The following COL25A1 variants were observed in gnomAD, a reference collection of about 807,000 sequenced individuals.
The protein encoded by COL25A1 is collagen alpha-1(XXV) chain.
Under a neutral mutation model 128.4 loss-of-function variants are expected in COL25A1, and 103 were observed. The observed-to-expected ratio is 0.80, with a 90% confidence interval of 0.68 to 0.94. COL25A1 has a LOEUF of 0.94. Among genes scored for constraint, COL25A1 ranks in the 40% least tolerant of loss-of-function variants. COL25A1 has a pLI of 0.00. For missense variants in COL25A1, 745 were observed against 840.0 expected (o/e 0.89, Z 1.40); for synonymous variants, 279 against 277.2 (o/e 1.01, Z -0.06).
intron 8 of COL25A1, among the ~76,000 whole-genome samples, chr4:108,970,506 C>T (rs1002394400): frequency 2.6e-5 from 4 of 152,254 alleles, no homozygotes; most frequent in African/African-American, 9.6e-5. Flanking sequence ...ATACATCATG[C>T]GATGGCTATA....
chr4:109,076,418 G>C (rs548594445), intron 3 of COL25A1, among the ~76,000 whole-genome samples: 1 of 151,876 alleles, frequency 6.6e-6, no homozygotes, highest in Non-Finnish European at 1.5e-5. Context: ...ATCACTTATC[G>C]AGTGCTTTTT....
At chr4:108,836,556 G>C (rs1056703144) in intron 31 of COL25A1, among the ~76,000 whole-genome samples, 1 of 152,056 alleles carries the variant, frequency 6.6e-6, no homozygotes, top group Non-Finnish European at 1.5e-5. Flanking sequence ...AAAATAAAGC[G>C]CTTGAGCCCA....
chr4:108,862,584 A>G (rs1737382776), intron 21 of COL25A1, 39 bp from the exon 22 acceptor site: 3 of 1,538,888 alleles, frequency 1.9e-6, no homozygotes, highest in Non-Finnish European at 2.7e-6. Flanking sequence ...AGATAAAATT[A>G]TAGAAGAGAT....
chr4:108,817,519 A>G, intron 36 of COL25A1, 84 bp from the exon 37 acceptor site: 1 of 1,307,366 alleles, frequency 7.6e-7, no homozygotes, highest in Admixed American at 1.9e-5. Flanking sequence ...AGGCTTAAAA[A>G]TAAATTTCTA....
At chr4:109,211,873 C>T (rs1408111071) in intron 3 of COL25A1, among the ~76,000 whole-genome samples, 1 of 152,086 alleles carries the variant, frequency 6.6e-6, no homozygotes, top group Non-Finnish European at 1.5e-5. Flanking sequence ...AATATTATTT[C>T]ACAATGCCTC....
At chr4:109,104,648 C>A (rs1766237144) in intron 3 of COL25A1, among the ~76,000 whole-genome samples, 1 of 151,924 alleles carries the variant, frequency 6.6e-6, no homozygotes, top group Admixed American at 6.6e-5. Context: ...TTAAAAGACA[C>A]CTTTAGGAAT....
At chr4:109,199,562 A>C (rs1339331987) in intron 3 of COL25A1, among the ~76,000 whole-genome samples, 1 of 152,150 alleles carries the variant, frequency 6.6e-6, no homozygotes, top group African/African-American at 2.4e-5. Context: ...GAAAAAAAAA[A>C]CTAATGCCTT....
chr4:109,015,077 G>T (rs1757095665), intron 5 of COL25A1, among the ~76,000 whole-genome samples: 1 of 152,220 alleles, frequency 6.6e-6, no homozygotes, highest in African/African-American at 2.4e-5. Flanking sequence ...TATGGTAATG[G>T]TATCTGCTCT....
intron 3 of COL25A1, among the ~76,000 whole-genome samples, chr4:109,251,182 C>T (rs1011585565): frequency 6.6e-6 from 1 of 152,116 alleles, no homozygotes; most frequent in Non-Finnish European, 1.5e-5. Flanking sequence ...CAAACATATT[C>T]ATAACAAAAT....
chr4:109,061,695 A>C (rs1761987423), intron 3 of COL25A1, among the ~76,000 whole-genome samples: 1 of 152,188 alleles, frequency 6.6e-6, no homozygotes, highest in African/African-American at 2.4e-5. Context: ...AGACACTTGC[A>C]ATCGCCTAGC....
chr4:109,142,658 T>C (rs1484368250), intron 3 of COL25A1, among the ~76,000 whole-genome samples: 1 of 152,204 alleles, frequency 6.6e-6, no homozygotes, highest in Non-Finnish European at 1.5e-5. Flanking sequence ...TACCATTATG[T>C]AATGGCCTTC....
intron 3 of COL25A1, among the ~76,000 whole-genome samples, chr4:109,131,332 T>C (rs1769174028): frequency 6.6e-6 from 1 of 152,224 alleles, no homozygotes; most frequent in African/African-American, 2.4e-5. Context: ...TAAAATTACA[T>C]ATGTGGTTCG....
chr4:108,835,695 C>T (rs1047949281), intron 31 of COL25A1, among the ~76,000 whole-genome samples: 2 of 151,716 alleles, frequency 1.3e-5, no homozygotes, highest in African/African-American at 4.8e-5. Context: ...GCTGGGATTA[C>T]AGGCATGCGC....
intron 18 of COL25A1, among the ~76,000 whole-genome samples, 176 bp from the exon 19 acceptor site, chr4:108,884,398 T>G (rs1740524044): frequency 6.6e-6 from 1 of 152,206 alleles, no homozygotes; most frequent in Admixed American, 6.5e-5. Flanking sequence ...GATTTAGAAA[T>G]GGGTTGACCT....
chr4:109,039,673 G>C (rs903487927), intron 5 of COL25A1, among the ~76,000 whole-genome samples: 1 of 152,180 alleles, frequency 6.6e-6, no homozygotes, highest in Non-Finnish European at 1.5e-5. Context: ...TAAGGACCTT[G>C]AAGACAAAAG....
In COL25A1 at chr4:109,302,053, C is replaced by T. The variant is rs1725614053; in HGVS notation, c.-34G>A. ...GGTCGGCCGTCTCGGCTTCGCTTCCCACCCTCTACACCTCAAATAATCCTA... is the reference window on the plus strand; with the variant it reads ...GGTCGGCCGTCTCGGCTTCGCTTCCTACCCTCTACACCTCAAATAATCCTA... On this transcript the variant is annotated 5_prime_UTR_variant, in exon 2 of 38. Coordinates refer to ENST00000399132, the MANE Select transcript of COL25A1 (RefSeq NM_198721.4). The T allele has an allele frequency of 2.6e-6, 4 of 1,538,802 alleles. No homozygotes were observed. Among genetic ancestry groups the T allele is most frequent in the African/African-American group, 1.4e-5 (1 of 72,758 alleles).
At chr4:108,870,107 T>C (rs1487956880) in intron 19 of COL25A1, among the ~76,000 whole-genome samples, 3 of 151,716 alleles carry the variant, frequency 2.0e-5, no homozygotes, top group Non-Finnish European at 4.4e-5. Context: ...ATATGAAAAA[T>C]TAGCCGGGTG....
intron 3 of COL25A1, among the ~76,000 whole-genome samples, chr4:109,085,276 C>T: frequency 6.6e-6 from 1 of 152,262 alleles, no homozygotes; most frequent in Middle Eastern, 3.4e-3. Flanking sequence ...GTGAACAGAA[C>T]CTTCAGACTC....
intron 3 of COL25A1, among the ~76,000 whole-genome samples, chr4:109,184,165 T>C (rs867959873): frequency 6.6e-6 from 1 of 152,180 alleles, no homozygotes; most frequent in Admixed American, 6.5e-5. Context: ...TCAAGGAATT[T>C]TGCTTACAAG....
Sources: gnomAD v4.1 joint callset for allele counts (sites outside exome capture counted in the v4.1 genomes callset) on GRCh38, gnomAD v4.1.1 for gene constraint, MANE v1.5 for transcripts, NCBI Gene and HGNC (gene_info 2026-07-23, HGNC 2026-07-21) for gene names.